MAP3K5: variants seen among roughly 807,000 people sequenced by gnomAD.
The protein encoded by MAP3K5 is mitogen-activated protein kinase kinase kinase 5.
MAP3K5 carries 56 observed loss-of-function variants against 158.7 expected under a neutral mutation model. The observed-to-expected ratio is 0.35, with a 90% confidence interval of 0.28 to 0.44. The LOEUF (loss-of-function observed/expected upper bound fraction) is 0.44. MAP3K5 is among the 20% of genes least tolerant of loss of function. MAP3K5 has a pLI of 1.00. For missense variants in MAP3K5, 1,294 were observed against 1,674.8 expected, an observed-to-expected ratio of 0.77 and a Z score of 3.97; for synonymous variants, 579 against 601.7, an observed-to-expected ratio of 0.96 and a Z score of 0.55.
Position 136,622,932 on chromosome 6 carries a change from C to T in MAP3K5, c.2066G>A (p.Gly689Asp), listed in dbSNP as rs1384770644. ...ACCTGCGTAGACTATCCCATAAGTG[C>T]CTTTTCCTAAAACGACTCTGTCACC... ...ENGDRVVLGK[G>D]TYGIVYAGRD... The change falls in exon 15 of 30, where the codon GGC (glycine) becomes GAC (aspartate). Residue 689 changes from glycine to aspartate, a missense_variant. Coordinates refer to ENST00000359015, the MANE Select transcript of MAP3K5 (RefSeq NM_005923.4). The T allele has an allele frequency of 2.5e-6, 4 of 1,603,058 alleles. 1 individual carries two copies. The South Asian group carries it at 3.3e-5, about 13-fold the overall frequency.
At chr6:136,649,374 A>G (rs1269346596) in intron 11 of MAP3K5, among the ~76,000 whole-genome samples, 4 of 152,226 alleles carry the variant, frequency 2.6e-5, no homozygotes, top group African/African-American at 9.6e-5. Flanking sequence ...GCTTAGCCAT[A>G]AAGTCAAGGA....
chr6:136,703,127 A>C (rs1222155249), intron 3 of MAP3K5, among the ~76,000 whole-genome samples: 1 of 152,222 alleles, frequency 6.6e-6, no homozygotes, highest in Admixed American at 6.5e-5. Context: ...TTCTGGAAGG[A>C]AAAGCTCTCA....
intron 28 of MAP3K5, among the ~76,000 whole-genome samples, chr6:136,560,240 G>T (rs1292927339): frequency 6.6e-6 from 1 of 152,120 alleles, no homozygotes; most frequent in East Asian, 1.9e-4. Flanking sequence ...CAGCACTTTG[G>T]GAGGCTGAGG....
At chr6:136,644,433 T>C (rs1778145842) in intron 11 of MAP3K5, among the ~76,000 whole-genome samples, 1 of 152,222 alleles carries the variant, frequency 6.6e-6, no homozygotes, top group South Asian at 2.1e-4. Context: ...GCGCTAGCTA[T>C]AATTAGCCCC....
At chr6:136,680,157 T>C (rs902626138) in intron 7 of MAP3K5, among the ~76,000 whole-genome samples, 4 of 151,934 alleles carry the variant, frequency 2.6e-5, no homozygotes, top group Admixed American at 6.6e-5. Context: ...CAGAAAGTAA[T>C]GGTGGTGCCC....
chr6:136,628,166 C>T (rs181605358), intron 14 of MAP3K5, among the ~76,000 whole-genome samples: 1 of 151,560 alleles, frequency 6.6e-6, no homozygotes, highest in East Asian at 1.9e-4. Flanking sequence ...GGCCGGAGTG[C>T]AGTGGTGCCA....
chr6:136,708,877 T>C (rs1583456168), intron 2 of MAP3K5, among the ~76,000 whole-genome samples: 1 of 152,204 alleles, frequency 6.6e-6, no homozygotes, highest in East Asian at 1.9e-4. Context: ...CTTGCAAATA[T>C]GGCTCTCACT....
intron 1 of MAP3K5, among the ~76,000 whole-genome samples, chr6:136,770,643 G>A (rs1009242246): frequency 4.6e-5 from 7 of 152,144 alleles, no homozygotes; most frequent in African/African-American, 1.7e-4. Flanking sequence ...TGTAATCCCA[G>A]TACTTTGGAA....
intron 25 of MAP3K5, among the ~76,000 whole-genome samples, chr6:136,573,334 T>C (rs1333412324): frequency 6.6e-6 from 1 of 152,228 alleles, no homozygotes; most frequent in Non-Finnish European, 1.5e-5. Flanking sequence ...CTCCCCTGGT[T>C]CTCAGGCCTT....
rs60678515 is a variant in MAP3K5 at position 136,716,027 on chromosome 6, C to CAAAAAAAAAAAAAAAAAAAAAAA, written c.588+4400_588+4422dup. ...CCCGGGTGACAAAGCAAGATCGTCTCAAAAAAAAAAAAAAAAAAAAAAAAA... is the reference window on the plus strand; with the variant it reads ...CCCGGGTGACAAAGCAAGATCGTCTCAAAAAAAAAAAAAAAAAAAAAAAAAAAAAAAAAAAAAAAAAAAAAAAA... On this transcript the variant is annotated intron_variant, in intron 2 of 29. Coordinates refer to ENST00000359015, the MANE Select transcript of MAP3K5 (RefSeq NM_005923.4). Among the ~76,000 whole-genome samples, 18 of 23,034 alleles carry CAAAAAAAAAAAAAAAAAAAAAAA rather than the reference C, an allele frequency of 7.8e-4. 6 individuals are homozygous for CAAAAAAAAAAAAAAAAAAAAAAA. The highest frequency in any genetic ancestry group is 1.1e-3 in the Non-Finnish European group (16 of 14,208). The allele number at this position is 23,034 out of a possible 152,430, so 15.1% of individuals were successfully genotyped here.
chr6:136,641,400 C>G (rs572217329), intron 12 of MAP3K5, among the ~76,000 whole-genome samples: 30 of 152,286 alleles, frequency 2.0e-4, no homozygotes, highest in Middle Eastern at 6.8e-3. Context: ...TGGGGGTAAA[C>G]AGTAGTTAGC....
intron 11 of MAP3K5, among the ~76,000 whole-genome samples, chr6:136,645,024 G>C (rs540020750): frequency 2.6e-5 from 4 of 152,178 alleles, no homozygotes; most frequent in South Asian, 4.2e-4. Context: ...GATCTCCTAG[G>C]CTCAAGCAAT....
rs752303276 is a variant in MAP3K5, at chr6:136,637,379, G to A, written c.1962C>T (p.Thr654=). The change falls in exon 14 of 30, where the codon ACC becomes ACT. Residue 654 remains threonine, a synonymous_variant. Coordinates refer to ENST00000359015, the MANE Select transcript of MAP3K5 (RefSeq NM_005923.4). The part of the protein sequence containing the change: ...KKFFEMVNTI[T]EEKGRSTEEG... ...CCTCTGTGCTTCTCCCCTTCTCTTC[G>A]GTAATGGTGTTCACCATCTCAAAAA... 1.1e-5 allele frequency: 18 copies of A among 1,610,118 alleles called. No homozygotes were observed. The highest frequency in any genetic ancestry group is 5.0e-5 in the Admixed American group (3 of 59,966).
At chr6:136,780,828 A>G (rs1784583578) in intron 1 of MAP3K5, among the ~76,000 whole-genome samples, 1 of 152,072 alleles carries the variant, frequency 6.6e-6, no homozygotes, top group African/African-American at 2.4e-5. Flanking sequence ...TTTTTTTCTA[A>G]AAAGAATGAG....
intron 25 of MAP3K5, among the ~76,000 whole-genome samples, chr6:136,578,780 C>T (rs1263730040): frequency 1.3e-5 from 2 of 151,976 alleles, no homozygotes; most frequent in Non-Finnish European, 2.9e-5. Context: ...ATGTCAAACA[C>T]CCAAGTGTTC....
At chr6:136,678,768 C>G (rs1779811257) in intron 7 of MAP3K5, among the ~76,000 whole-genome samples, 1 of 151,274 alleles carries the variant, frequency 6.6e-6, no homozygotes, top group South Asian at 2.1e-4. Flanking sequence ...CTCTGTCGTC[C>G]AGGCTAGAGT....
intron 1 of MAP3K5, among the ~76,000 whole-genome samples, chr6:136,756,133 C>T (rs1324240951): frequency 6.6e-6 from 1 of 150,676 alleles, no homozygotes; most frequent in Non-Finnish European, 1.5e-5. Flanking sequence ...ATGGCAAAAC[C>T]CCGCCTCTAC....
chr6:136,626,046 A>G (rs1354862195), intron 14 of MAP3K5, among the ~76,000 whole-genome samples: 1 of 152,210 alleles, frequency 6.6e-6, no homozygotes, highest in East Asian at 1.9e-4. Flanking sequence ...ACGAAAGACA[A>G]AAAGATCATA....
At chr6:136,649,871 G>A (rs921724309) in intron 11 of MAP3K5, among the ~76,000 whole-genome samples, 2 of 152,172 alleles carry the variant, frequency 1.3e-5, no homozygotes, top group Admixed American at 1.3e-4. Context: ...CTACAGATGA[G>A]GACACCATAG....
Sources: gnomAD v4.1 joint callset for allele counts (sites outside exome capture counted in the v4.1 genomes callset) on GRCh38, gnomAD v4.1.1 for gene constraint, MANE v1.5 for transcripts, NCBI Gene and HGNC (gene_info 2026-07-23, HGNC 2026-07-21) for gene names.